Variants in MYO3B observed in about 807,000 individuals in gnomAD.
MYO3B encodes myosin-IIIb.
In MYO3B, 156 loss-of-function variants were observed where a neutral mutation model predicts 174.6. The observed-to-expected ratio is 0.89, with a 90% CI of 0.78 to 1.02. The LOEUF (loss-of-function observed/expected upper bound fraction) is 1.02. Ranked by LOEUF, MYO3B falls within the 50% of genes least tolerant of loss-of-function variation. The probability of loss-of-function intolerance (pLI) is 0.00; values close to 1 mark genes in which losing one functional copy is unlikely to be tolerated. For synonymous variants in MYO3B, 563 were observed against 569.1 expected, an observed-to-expected ratio of 0.99 and a Z score of 0.15; for missense variants, 1,632 against 1,639.4, an observed-to-expected ratio of 1.00 and a Z score of 0.08.
At chr2:170,574,475 A>C (rs1250041615) in intron 32 of MYO3B, among the ~76,000 whole-genome samples, 1 of 152,166 alleles carries the variant, frequency 6.6e-6, no homozygotes, top group Admixed American at 6.5e-5. Flanking sequence ...AAAAGTATTA[A>C]GATCAAAGGT....
rs778612821 is a variant in MYO3B at position 170,392,488 on chromosome 2, C to T, written c.1784C>T (p.Thr595Met). ...IQHCFRIIGF[T>M]DKEVHSVYRI... ...CATTGCTTCAGGATTATAGGGTTCA[C>T]GGACAAAGTAAGTGATGATCAAGAG... The change falls in exon 16 of 35, where the codon ACG (threonine) becomes ATG (methionine). Residue 595 changes from threonine (T) to methionine (M), a missense_variant. Physicochemically the swap from Thr to Met is moderately conservative, Grantham distance 81. Coordinates refer to ENST00000408978, the MANE Select transcript of MYO3B (RefSeq NM_138995.5). The T allele has an allele frequency of 3.8e-5, 58 of 1,543,602 alleles. No homozygotes were observed. The highest frequency in any genetic ancestry group is 5.0e-5 in the South Asian group (4 of 79,890).
intron 22 of MYO3B, among the ~76,000 whole-genome samples, chr2:170,430,760 A>G (rs1403711147): frequency 1.3e-5 from 2 of 152,250 alleles, no homozygotes; most frequent in South Asian, 2.1e-4. Flanking sequence ...ATTAAGTATC[A>G]GAAGAATAGT....
chr2:170,335,238 T>C lies in MYO3B; in HGVS notation c.750-147T>C, dbSNP rs150638748. 3.0e-3 allele frequency: 1,988 copies of C among 657,706 alleles called. 8 individuals carry two copies. Among genetic ancestry groups the C allele is most frequent in the Non-Finnish European group, 4.3e-3 (1,614 of 377,050 alleles). 40.7% of individuals were successfully genotyped at this position (657,706 alleles called of 1,614,324 possible). A position where few individuals can be genotyped will look rare whatever the true frequency, so the allele number is the denominator to read the frequency against. On this transcript the variant is annotated intron_variant, in intron 7 of 34. Coordinates refer to ENST00000408978, the MANE Select transcript of MYO3B (RefSeq NM_138995.5). ...ACTACAGGAATAAGGGTTGGCACTT[T>C]ATAATCTACCACTAAAAAATGACTC...
At chr2:170,319,332 T>G (rs2093798668) in intron 7 of MYO3B, among the ~76,000 whole-genome samples, 1 of 152,318 alleles carries the variant, frequency 6.6e-6, no homozygotes, top group African/African-American at 2.4e-5. Flanking sequence ...TTTCACCATT[T>G]TAGGCTGCCT....
At chr2:170,574,665 T>C (rs2106286521) in intron 32 of MYO3B, among the ~76,000 whole-genome samples, 1 of 152,290 alleles carries the variant, frequency 6.6e-6, no homozygotes, top group Non-Finnish European at 1.5e-5. Flanking sequence ...GAGTTGTTTT[T>C]CCCCCCTCAG....
intron 23 of MYO3B, among the ~76,000 whole-genome samples, chr2:170,459,176 C>G (rs80085573): frequency 2.0e-5 from 3 of 152,194 alleles, no homozygotes; most frequent in African/African-American, 2.4e-5. Context: ...GCTTCCACAG[C>G]GTGGAAAGGG....
chr2:170,377,934 T>C (rs140863373), intron 9 of MYO3B, among the ~76,000 whole-genome samples: 1 of 152,318 alleles, frequency 6.6e-6, no homozygotes, highest in Non-Finnish European at 1.5e-5. Flanking sequence ...TGGAGATCTG[T>C]AATTTTCACA....
At chr2:170,180,456 A>G (rs2105296269) in intron 1 of MYO3B, among the ~76,000 whole-genome samples, 1 of 152,196 alleles carries the variant, frequency 6.6e-6, no homozygotes, top group Admixed American at 6.5e-5. Flanking sequence ...TGGTCCTTTC[A>G]GTTTCTTATT....
intron 5 of MYO3B, 25 bp downstream of exon 5, chr2:170,214,853 T>C (rs2092810731): frequency 6.4e-7 from 1 of 1,569,794 alleles, no homozygotes; most frequent in South Asian, 1.1e-5. Context: ...TCGTTTGTTT[T>C]CTTGACGTGT....
Position 170,652,061 on chromosome 2 carries a change from C to T in MYO3B, c.3841-47C>T, listed in dbSNP as rs147352394. 1,087 of 1,569,664 alleles carry T rather than the reference C, an allele frequency of 6.9e-4. 19 individuals carry two copies. The East Asian group carries it at 0.017, about 25-fold the overall frequency. Reference sequence around the variant, plus strand: ...AAAATCACTTTGAATTAAAAATTAACGACTTGCTGCTTTGCTTTGACTGTG... The same window carrying T: ...AAAATCACTTTGAATTAAAAATTAATGACTTGCTGCTTTGCTTTGACTGTG... On this transcript the variant is annotated intron_variant, in intron 33 of 34. Transcript: ENST00000408978.
At chr2:170,226,419 A>T (rs2092952648) in intron 6 of MYO3B, among the ~76,000 whole-genome samples, 1 of 152,188 alleles carries the variant, frequency 6.6e-6, no homozygotes, top group Non-Finnish European at 1.5e-5. Context: ...TGGCCTGCCT[A>T]CATTTGCAGA....
At chr2:170,469,667 G>A (rs1458909492) in intron 25 of MYO3B, among the ~76,000 whole-genome samples, 1 of 152,040 alleles carries the variant, frequency 6.6e-6, no homozygotes, top group Non-Finnish European at 1.5e-5. Flanking sequence ...ACCAGGTCCA[G>A]CTCACTACCT....
intron 25 of MYO3B, among the ~76,000 whole-genome samples, chr2:170,498,330 C>G (rs537951275): frequency 4.0e-3 from 612 of 152,264 alleles, no homozygotes; most frequent in Non-Finnish European, 5.9e-3. Flanking sequence ...TTTGAATGCA[C>G]TAGACACCAA....
At chr2:170,499,919 T>TCCCCTCCCTCCCTCCCTTCCTTCCTTCC in intron 27 of MYO3B, 111 bp downstream of exon 27, 1 of 749,800 alleles carries the variant, frequency 1.3e-6, no homozygotes, top group Non-Finnish European at 2.1e-6. Context: ...CCCTTCCTTC[T>TCCCCTCCCTCCCTCCCTTCCTTCCTTCC]CCCCTCCCTC....
At chr2:170,376,904 A>G (rs1383287450) in intron 9 of MYO3B, among the ~76,000 whole-genome samples, 1 of 152,176 alleles carries the variant, frequency 6.6e-6, no homozygotes, top group African/African-American at 2.4e-5. Context: ...TTTCCTTCTC[A>G]TGTTTGAGTT....
intron 32 of MYO3B, among the ~76,000 whole-genome samples, chr2:170,597,230 G>T (rs573377954): frequency 1.3e-5 from 2 of 151,952 alleles, no homozygotes; most frequent in Non-Finnish European, 2.9e-5. Context: ...AAAATTAGCC[G>T]GGCATGGTGG....
rs1325578118 is a variant in MYO3B at position 170,653,125 on chromosome 2, G to A, written c.*4G>A. ...AGACTCTTTTGCTCAACATTAAATT[G>A]TGCTTCCTAACCCTAAATCTGTCCA... is the stretch of plus-strand genomic sequence containing the variant. On this transcript the variant is annotated 3_prime_UTR_variant, in exon 35 of 35. Coordinates refer to ENST00000408978, the MANE Select transcript of MYO3B (RefSeq NM_138995.5). 1 of 1,613,828 alleles carries A rather than the reference G, an allele frequency of 6.2e-7. No individual in the cohort carries two copies. The highest frequency in any genetic ancestry group is 8.5e-7 in the Non-Finnish European group (1 of 1,179,988).
chr2:170,506,176 G>T (rs574558611), intron 28 of MYO3B, among the ~76,000 whole-genome samples: 4 of 152,348 alleles, frequency 2.6e-5, no homozygotes, highest in Admixed American at 2.6e-4. Context: ...CACATCATGT[G>T]ATGCATGCAG....
intron 22 of MYO3B, among the ~76,000 whole-genome samples, chr2:170,440,164 A>G (rs1012802677): frequency 1.3e-5 from 2 of 152,182 alleles, no homozygotes; most frequent in African/African-American, 4.8e-5. Flanking sequence ...TCATTTGATC[A>G]TGCATCTGTT....
Sources: allele counts gnomAD v4.1 joint callset (sites outside exome capture counted in the v4.1 genomes callset), GRCh38; gene constraint gnomAD v4.1.1; transcripts MANE v1.5; gene names NCBI Gene and HGNC (gene_info 2026-07-23, HGNC 2026-07-21).